The following PTPRN2 variants were observed in gnomAD, a reference collection of about 807,000 sequenced individuals.
PTPRN2 encodes the protein protein tyrosine phosphatase receptor type N2.
A neutral mutation model predicts 118.8 loss-of-function variants in PTPRN2; 74 were observed. The observed-to-expected ratio is 0.62, with a 90% CI of 0.52 to 0.76. The LOEUF (loss-of-function observed/expected upper bound fraction) is 0.76. Among genes scored for constraint, PTPRN2 ranks in the 30% least tolerant of loss-of-function variants. The probability of loss-of-function intolerance (pLI) is 0.00; values close to 1 mark genes in which losing one functional copy is unlikely to be tolerated. For synonymous variants in PTPRN2, 641 were observed against 608.0 expected (o/e 1.05, Z -0.80); for missense variants, 1,481 against 1,394.4 (o/e 1.06, Z -0.99).
At position 157,674,652 on chromosome 7, in the gene PTPRN2, C is replaced by T. The variant is rs73163859; in HGVS notation, c.2001+8073G>A. On this transcript the variant is annotated intron_variant, in intron 13 of 22. Coordinates refer to ENST00000389418, the MANE Select transcript of PTPRN2 (RefSeq NM_002847.5). The surrounding 1 kb of genome is among the most constrained non-coding windows in gnomAD (Gnocchi z 4.5). ...ACAGAGGCGCATTCTCTCTCGTGCC[C>T]ATCAAGGCAGAGGCTGAGAAGAAGG... Among the ~76,000 whole-genome samples, 997 of 152,360 alleles carry T rather than the reference C, an allele frequency of 6.5e-3. 7 individuals are homozygous for T. Among genetic ancestry groups the T allele is most frequent in the Non-Finnish European group, 0.01 (703 of 68,028 alleles).
chr7:158,427,883 A>G (rs796232092), intron 2 of PTPRN2, among the ~76,000 whole-genome samples: 285 of 29,372 alleles, frequency 9.7e-3, no homozygotes, highest in African/African-American at 0.027. Context: ...AGCCTAGCTG[A>G]GGCCTGCGCA....
intron 2 of PTPRN2, among the ~76,000 whole-genome samples, chr7:158,384,663 C>A (rs1450912723): frequency 3.3e-5 from 5 of 152,104 alleles, no homozygotes; most frequent in African/African-American, 4.8e-5. Context: ...AGGGAATGAA[C>A]CTTCCCTTCA....
chr7:158,474,197 C>A (rs933261309), intron 2 of PTPRN2, among the ~76,000 whole-genome samples: 2 of 152,172 alleles, frequency 1.3e-5, no homozygotes, highest in Non-Finnish European at 2.9e-5. Flanking sequence ...AGAGGCACAG[C>A]GAACTCTACA....
chr7:158,262,291 C>T lies in PTPRN2; in HGVS notation c.277+54528G>A, dbSNP rs557437630. On this transcript the variant is annotated intron_variant, in intron 3 of 22. Coordinates refer to ENST00000389418, the MANE Select transcript of PTPRN2 (RefSeq NM_002847.5). Reference sequence around the variant, plus strand: ...CAACACATATACACACATTCACACACACCGCACACACATTCACACACTGCA... The same window carrying T: ...CAACACATATACACACATTCACACATACCGCACACACATTCACACACTGCA... Among the ~76,000 whole-genome samples the T allele has an allele frequency of 2.6e-5, 4 of 151,864 alleles. No individual in the cohort carries two copies. In the East Asian group the frequency reaches 7.7e-4, roughly 29 times the overall value.
chr7:157,796,863 CA>C (rs1388630309), intron 12 of PTPRN2, among the ~76,000 whole-genome samples: 5 of 152,150 alleles, frequency 3.3e-5, no homozygotes, highest in South Asian at 4.2e-4. Context: ...CAAAACCATT[CA>C]AAAATCACCC....
chr7:157,969,881 T>C (rs79514424), intron 11 of PTPRN2, among the ~76,000 whole-genome samples: 3 of 151,980 alleles, frequency 2.0e-5, no homozygotes, highest in Non-Finnish European at 4.4e-5. Flanking sequence ...CGGAGGGTCT[T>C]GGGGGAAATT....
rs1284371955 is a variant in PTPRN2, at chr7:157,596,481, T to C, written c.2419-1166A>G. Reference sequence around the variant, plus strand: ...ATAATTATTACATTTATTTCGAAGATTAAGCACAGAAAAAAGAACTTGAGG... The same window carrying C: ...ATAATTATTACATTTATTTCGAAGACTAAGCACAGAAAAAAGAACTTGAGG... On this transcript the variant is annotated intron_variant, in intron 16 of 22. Coordinates refer to ENST00000389418, the MANE Select transcript of PTPRN2 (RefSeq NM_002847.5). This position sits in a 1 kb window ranked among gnomAD's most constrained non-coding sequence, Gnocchi z 4.2. 6.6e-6 allele frequency among the ~76,000 whole-genome samples: 1 copy of C among 152,182 alleles called. No individual in the cohort carries two copies. The highest frequency in any genetic ancestry group is 2.1e-4 in the South Asian group (1 of 4,830).
intron 11 of PTPRN2, among the ~76,000 whole-genome samples, chr7:158,027,205 A>G (rs959727992): frequency 2.6e-5 from 4 of 152,170 alleles, no homozygotes; most frequent in African/African-American, 9.7e-5. Flanking sequence ...TCATCCTTCC[A>G]CAGGTACGTG....
intron 1 of PTPRN2, among the ~76,000 whole-genome samples, chr7:158,542,122 A>G (rs1826021789): frequency 6.6e-6 from 1 of 152,198 alleles, no homozygotes; most frequent in East Asian, 1.9e-4. Context: ...CATTAATTCA[A>G]ACCAGCCCCT....
intron 4 of PTPRN2, among the ~76,000 whole-genome samples, chr7:158,202,248 C>T (rs1309159046): frequency 6.6e-6 from 1 of 152,188 alleles, no homozygotes; most frequent in Non-Finnish European, 1.5e-5. Context: ...GAAAAACGAT[C>T]ACATTTCCAT....
In PTPRN2 at chr7:158,540,884, TAAC is replaced by T. The variant is rs1412095379; in HGVS notation, c.112+46671_112+46673del. Reference sequence around the variant, plus strand: ...AAGGCCAATGTGCCCCAGTGGCTGGTAACAACGTGTGCCACGTGTCCAGTATTT... The same window carrying T: ...AAGGCCAATGTGCCCCAGTGGCTGGTAACGTGTGCCACGTGTCCAGTATTT... On this transcript the variant is annotated intron_variant, in intron 1 of 22. Transcript: ENST00000389418. Among the ~76,000 whole-genome samples the T allele has an allele frequency of 7.9e-5, 12 of 152,354 alleles. No homozygotes were observed. The East Asian group carries it at 2.1e-3, about 27-fold the overall frequency.
chr7:157,677,213 T>C (rs1458897286), intron 13 of PTPRN2, among the ~76,000 whole-genome samples: 1 of 152,194 alleles, frequency 6.6e-6, no homozygotes, highest in Non-Finnish European at 1.5e-5. Flanking sequence ...AGGAATGGCC[T>C]AGTGCCAAAA....
In PTPRN2 at chr7:157,612,600, T is replaced by C. The variant is rs1021116501; in HGVS notation, c.2345-8525A>G. Among the ~76,000 whole-genome samples, 12 of 152,298 alleles carry C rather than the reference T, an allele frequency of 7.9e-5. No homozygotes were observed. The East Asian group carries it at 2.3e-3, about 29-fold the overall frequency. On this transcript the variant is annotated intron_variant, in intron 15 of 22. Transcript: ENST00000389418. The stretch of plus-strand genomic sequence containing the variant: ...AAGCTGCACCTGTGACCGACGGTCT[T>C]GGGGCTGCCAGGGGAGCCGCAGAAG...
rs887112732 is a variant in PTPRN2, at chr7:158,529,466, G to C, written c.113-39681C>G. ...GGGAAGGTGCTGCTGACCACGGCCA[G>C]CAACGACGAGCCATGGTGACAGCTC... is the stretch of plus-strand genomic sequence containing the variant. On this transcript the variant is annotated intron_variant, in intron 1 of 22. Transcript: ENST00000389418. The surrounding 1 kb of genome is among the most constrained non-coding windows in gnomAD (Gnocchi z 4.7). 6.6e-6 allele frequency among the ~76,000 whole-genome samples: 1 copy of C among 152,214 alleles called. No homozygotes were observed. The highest frequency in any genetic ancestry group is 1.5e-5 in the Non-Finnish European group (1 of 68,042).
At chr7:157,968,354 C>A (rs962010199) in intron 11 of PTPRN2, among the ~76,000 whole-genome samples, 1 of 152,202 alleles carries the variant, frequency 6.6e-6, no homozygotes, top group Non-Finnish European at 1.5e-5. Flanking sequence ...CCTTGGGCAG[C>A]ACCTGTGATG....
At chr7:157,952,891 C>A (rs866768994) in intron 11 of PTPRN2, among the ~76,000 whole-genome samples, 52 of 152,290 alleles carry the variant, frequency 3.4e-4, no homozygotes, top group Middle Eastern at 3.4e-3. Flanking sequence ...ATCACAGAGA[C>A]TTCCCTCTCC....
rs62476358 is a variant in PTPRN2 at position 158,022,052 on chromosome 7, T to A, written c.1723+59246A>T. 3.1e-3 allele frequency among the ~76,000 whole-genome samples: 465 copies of A among 152,158 alleles called. 3 individuals carry two copies. The highest frequency in any genetic ancestry group is 6.8e-3 in the Middle Eastern group (2 of 294). On this transcript the variant is annotated intron_variant, in intron 11 of 22. Coordinates refer to ENST00000389418, the MANE Select transcript of PTPRN2 (RefSeq NM_002847.5). This position sits in a 1 kb window ranked among gnomAD's most constrained non-coding sequence, Gnocchi z 4.6. ...AGACCCCACACTCCAGCTGGCCTCCTCCCTGAAGGGCCAGATGGGTGACAG... is the reference window on the plus strand; with the variant it reads ...AGACCCCACACTCCAGCTGGCCTCCACCCTGAAGGGCCAGATGGGTGACAG...
chr7:158,194,631 T>TG (rs1314780307), intron 4 of PTPRN2, among the ~76,000 whole-genome samples: 1 of 152,232 alleles, frequency 6.6e-6, no homozygotes, highest in African/African-American at 2.4e-5. Flanking sequence ...AGCTGCCATC[T>TG]GCTTCTCTCA....
intron 21 of PTPRN2, among the ~76,000 whole-genome samples, chr7:157,552,307 A>G (rs768938288): frequency 1.3e-5 from 2 of 152,258 alleles, no homozygotes; most frequent in African/African-American, 2.4e-5. Flanking sequence ...GTATTTTTAC[A>G]TATTTCTATG....
Sources: allele counts gnomAD v4.1 joint callset (sites outside exome capture counted in the v4.1 genomes callset), GRCh38; gene constraint gnomAD v4.1.1; non-coding constraint Gnocchi (gnomAD v3.1); transcripts MANE v1.5; gene names NCBI Gene and HGNC (gene_info 2026-07-23, HGNC 2026-07-21).